GRM7: variants seen among roughly 807,000 people sequenced by gnomAD.
The protein encoded by GRM7 is metabotropic glutamate receptor 7.
Under a neutral mutation model 84.5 loss-of-function variants are expected in GRM7, and 35 were observed. The observed-to-expected ratio is 0.41, with a 90% CI of 0.32 to 0.55. The LOEUF (loss-of-function observed/expected upper bound fraction) is 0.55, where lower values mean the gene tolerates loss of function less well. Among genes scored for constraint, GRM7 ranks in the 20% least tolerant of loss-of-function variants. GRM7 has a pLI of 0.19. For synonymous variants in GRM7, 487 were observed against 455.1 expected (o/e 1.07, Z -0.89); for missense variants, 1,003 against 1,194.6 (o/e 0.84, Z 2.36).
At chr3:7,270,715 G>C (rs6767232) in intron 2 of GRM7, among the ~76,000 whole-genome samples, 57,412 of 151,992 alleles carry the variant, frequency 0.38, 11,995 homozygotes, top group Admixed American at 0.51. Context: ...TAACAAGAGC[G>C]AGATTTAGTA....
chr3:7,430,283 G>A (rs967484598), intron 5 of GRM7, among the ~76,000 whole-genome samples: 1 of 152,118 alleles, frequency 6.6e-6, no homozygotes, highest in Non-Finnish European at 1.5e-5. Context: ...TTCTTCCAGT[G>A]GAAAATTGAG....
intron 5 of GRM7, among the ~76,000 whole-genome samples, chr3:7,435,440 G>A (rs1038476298): frequency 1.3e-5 from 2 of 152,012 alleles, no homozygotes; most frequent in African/African-American, 2.4e-5. Flanking sequence ...ACAGGTATGA[G>A]CCATTGTGCC....
At chr3:6,958,133 A>G (rs1693143018) in intron 1 of GRM7, among the ~76,000 whole-genome samples, 1 of 152,036 alleles carries the variant, frequency 6.6e-6, no homozygotes, top group African/African-American at 2.4e-5. Context: ...CGTAATCAAA[A>G]CATCAAATTT....
intron 1 of GRM7, among the ~76,000 whole-genome samples, chr3:7,003,820 G>C (rs143239118): frequency 1.2e-4 from 18 of 152,250 alleles, no homozygotes; most frequent in African/African-American, 3.8e-4. Flanking sequence ...CATATACTTT[G>C]TTTGAGTTAG....
At chr3:7,364,915 T>G (rs1261283658) in intron 4 of GRM7, among the ~76,000 whole-genome samples, 1 of 151,920 alleles carries the variant, frequency 6.6e-6, no homozygotes, top group Admixed American at 6.6e-5. Context: ...TGCATCCTAC[T>G]CACTTACCTG....
chr3:7,392,759 C>G (rs1432389213), intron 4 of GRM7, among the ~76,000 whole-genome samples: 2 of 152,184 alleles, frequency 1.3e-5, no homozygotes, highest in Admixed American at 6.5e-5. Flanking sequence ...ATTAAACTAT[C>G]AAAATATGTC....
intron 1 of GRM7, among the ~76,000 whole-genome samples, chr3:6,956,228 G>T (rs1693041851): frequency 1.3e-5 from 2 of 152,182 alleles, no homozygotes; most frequent in South Asian, 2.1e-4. Context: ...CTCATGCATT[G>T]CATTGTAGTC....
chr3:7,387,108 CT>C (rs535563485), intron 4 of GRM7, among the ~76,000 whole-genome samples: 113 of 152,070 alleles, frequency 7.4e-4, no homozygotes, highest in African/African-American at 2.5e-3. Context: ...CCTTTGACTT[CT>C]TTTTAAAGGT....
Position 7,659,287 on chromosome 3 carries a change from G to T in GRM7, c.2452-20762G>T, listed in dbSNP as rs1365162848. ...GGGACACAATGCATCATGCAGTACA[G>T]GAGATAGCCTGTGAGTTGGAGGGAA... is the stretch of plus-strand genomic sequence containing the variant. On this transcript the variant is annotated intron_variant, in intron 8 of 9. Coordinates refer to ENST00000357716, the MANE Select transcript of GRM7 (RefSeq NM_000844.4). Among the ~76,000 whole-genome samples, 3 of 152,288 alleles carry T rather than the reference G, an allele frequency of 2.0e-5. No homozygotes were observed. The East Asian group carries it at 5.8e-4, about 29-fold the overall frequency.
intron 3 of GRM7, among the ~76,000 whole-genome samples, chr3:7,303,016 C>A (rs1447580405): frequency 6.8e-6 from 1 of 148,028 alleles, no homozygotes; most frequent in East Asian, 2.0e-4. Flanking sequence ...TCTCAGCTCA[C>A]TGAAAGCTCC....
chr3:7,650,879 G>A (rs574554231), intron 8 of GRM7, among the ~76,000 whole-genome samples: 2 of 152,200 alleles, frequency 1.3e-5, no homozygotes, highest in South Asian at 2.1e-4. Context: ...CACTGCATCC[G>A]GCTTGCCTCA....
chr3:7,535,603 C>A (rs944296303), intron 7 of GRM7, among the ~76,000 whole-genome samples: 1 of 152,234 alleles, frequency 6.6e-6, no homozygotes, highest in Non-Finnish European at 1.5e-5. Flanking sequence ...AACACTTAAC[C>A]TCCATATGCT....
chr3:7,159,764 C>A (rs56210628), intron 2 of GRM7, among the ~76,000 whole-genome samples: 1 of 152,074 alleles, frequency 6.6e-6, no homozygotes, highest in South Asian at 2.1e-4. Context: ...AGTAAGGAAG[C>A]CCATGTCTAG....
intron 1 of GRM7, among the ~76,000 whole-genome samples, chr3:6,997,126 A>G (rs929637548): frequency 1.3e-5 from 2 of 152,172 alleles, no homozygotes; most frequent in African/African-American, 4.8e-5. Context: ...TAATTGTTCC[A>G]TAGCTCATTT....
intron 2 of GRM7, among the ~76,000 whole-genome samples, chr3:7,164,880 C>A (rs111781082): frequency 6.6e-6 from 1 of 152,126 alleles, no homozygotes; most frequent in Admixed American, 6.5e-5. Context: ...TCCACCAGAT[C>A]CCTTGCCCAT....
chr3:7,590,721 G>C (rs772703990), intron 8 of GRM7, among the ~76,000 whole-genome samples: 1 of 152,044 alleles, frequency 6.6e-6, no homozygotes, highest in Non-Finnish European at 1.5e-5. Context: ...TTTCCATGCT[G>C]TGTTCTTCTC....
At chr3:7,439,145 G>A (rs1469576892) in intron 5 of GRM7, among the ~76,000 whole-genome samples, 10 of 152,034 alleles carry the variant, frequency 6.6e-5, no homozygotes, top group Non-Finnish European at 8.8e-5. Flanking sequence ...GAACACTGTT[G>A]GAATAAAATT....
intron 1 of GRM7, among the ~76,000 whole-genome samples, chr3:7,013,492 G>A (rs1695456296): frequency 6.6e-6 from 1 of 152,038 alleles, no homozygotes; most frequent in African/African-American, 2.4e-5. Context: ...AAAACAACAA[G>A]CAAAACACTG....
intron 1 of GRM7, among the ~76,000 whole-genome samples, chr3:7,093,942 G>T (rs556433716): frequency 6.6e-6 from 1 of 152,092 alleles, no homozygotes; most frequent in Non-Finnish European, 1.5e-5. Context: ...GGATTAAATT[G>T]CATATGTATT....
Sources: gnomAD v4.1 joint callset for allele counts (sites outside exome capture counted in the v4.1 genomes callset) on GRCh38, gnomAD v4.1.1 for gene constraint, MANE v1.5 for transcripts, NCBI Gene and HGNC (gene_info 2026-07-23, HGNC 2026-07-21) for gene names.